The following CCT6B variants were observed in gnomAD, a reference collection of about 807,000 sequenced individuals.
CCT6B encodes chaperonin containing TCP1 subunit 6B.
In CCT6B, 49 loss-of-function variants were observed where a neutral mutation model predicts 61.5. The ratio of observed to expected loss-of-function variants is 0.80; its 90% CI spans 0.63 to 1.01. The LOEUF is 1.01. Among genes scored for constraint, CCT6B ranks in the 50% least tolerant of loss-of-function variants. The pLI, the probability that CCT6B is intolerant of heterozygous loss-of-function variation, is 0.00. For synonymous variants in CCT6B, 228 were observed against 214.5 expected, an observed-to-expected ratio of 1.06 and a Z score of -0.55; for missense variants, 666 against 634.7, an observed-to-expected ratio of 1.05 and a Z score of -0.53.
At chr17:34,959,793 T>G in intron 1 of CCT6B, 143 bp from the exon 2 acceptor site, 1 of 593,838 alleles carries the variant, frequency 1.7e-6, no homozygotes. Flanking sequence ...TACCACCATT[T>G]GCAGCTCACA....
chr17:34,960,053 T>C (rs1027186288), intron 1 of CCT6B, among the ~76,000 whole-genome samples: 1 of 152,226 alleles, frequency 6.6e-6, no homozygotes, highest in African/African-American at 2.4e-5. Flanking sequence ...CTATCAATTC[T>C]ACTACCTAAA....
Position 34,939,166 on chromosome 17 carries a change from C to T in CCT6B, c.1213+17G>A, listed in dbSNP as rs751464022. 2 of 1,608,962 alleles carry T rather than the reference C, an allele frequency of 1.2e-6. No homozygotes were observed. The highest frequency in any genetic ancestry group is 3.3e-5 in the Admixed American group (2 of 59,922). The stretch of plus-strand genomic sequence containing the variant: ...ACATATACATGAGGTTCATATCAAT[C>T]ACAAGAAAGAGCTTACCATCTTCAA... On this transcript the variant is annotated intron_variant, in intron 10 of 13. Transcript: ENST00000314144.
intron 8 of CCT6B, among the ~76,000 whole-genome samples, chr17:34,940,057 A>T (rs561091803): frequency 6.6e-6 from 1 of 152,298 alleles, no homozygotes; most frequent in African/African-American, 2.4e-5. Flanking sequence ...AAAGATTTTT[A>T]AAAAGAACAA....
At chr17:34,931,794 G>A (rs1460176536) in intron 11 of CCT6B, among the ~76,000 whole-genome samples, 2 of 152,170 alleles carry the variant, frequency 1.3e-5, no homozygotes, top group Non-Finnish European at 2.9e-5. Context: ...CATCTTTGAA[G>A]TAGTTTTACT....
intron 10 of CCT6B, among the ~76,000 whole-genome samples, chr17:34,934,254 A>C (rs1265274872): frequency 6.6e-6 from 1 of 152,224 alleles, no homozygotes; most frequent in African/African-American, 2.4e-5. Flanking sequence ...GAAATGAGAA[A>C]ATTTATATCA....
chr17:34,957,014 G>T lies in CCT6B; in HGVS notation c.336+1546C>A, dbSNP rs1354931704. ...TCTAAAGACAGGGTCTCACTATGTT[G>T]CCCAGGCTGGTCTCAAATTCCTGGG... is the stretch of plus-strand genomic sequence containing the variant. On this transcript the variant is annotated intron_variant, in intron 3 of 13. Transcript: ENST00000314144. 3.3e-5 allele frequency among the ~76,000 whole-genome samples: 5 copies of T among 151,802 alleles called. No individual in the cohort carries two copies. The East Asian group carries it at 5.8e-4, about 18-fold the overall frequency.
At chr17:34,952,139 G>A (rs2090299096) in intron 4 of CCT6B, 86 bp from the exon 5 acceptor site, 3 of 776,520 alleles carry the variant, frequency 3.9e-6, no homozygotes, top group Non-Finnish European at 6.3e-6. Flanking sequence ...CCAGACTAAG[G>A]AGATAAAAGC....
chr17:34,937,715 T>A (rs896407149), intron 10 of CCT6B, among the ~76,000 whole-genome samples: 2 of 152,090 alleles, frequency 1.3e-5, no homozygotes, highest in Non-Finnish European at 1.5e-5. Context: ...AAATTAGACT[T>A]CATCAAAATT....
chr17:34,945,905 G>T (rs2090218396), intron 5 of CCT6B, among the ~76,000 whole-genome samples: 1 of 152,172 alleles, frequency 6.6e-6, no homozygotes, highest in South Asian at 2.1e-4. Context: ...GGATCAGTAG[G>T]TTCTTTTATC....
At chr17:34,933,218 GT>G (rs1443942766) in intron 10 of CCT6B, among the ~76,000 whole-genome samples, 1 of 152,120 alleles carries the variant, frequency 6.6e-6, no homozygotes, top group Non-Finnish European at 1.5e-5. Context: ...TGAAGTATTT[GT>G]TTTTTGTACT....
Position 34,959,650 on chromosome 17 carries a change from C to G in CCT6B, c.138G>C (p.Met46Ile). Residue 46 changes from methionine to isoleucine, a missense_variant and splice_region_variant, in exon 2 of 14, where the codon ATG becomes ATC. Met to Ile is a conservative substitution (Grantham distance 10, BLOSUM62 1). Transcript: ENST00000314144. ...TNLGPKGTMKMLVSGAGDIKL... is the reference protein window; with the variant it reads ...TNLGPKGTMKILVSGAGDIKL... ...TGATGTCACCTGCACCAGAAACAAGCCTGTTCAGAGAAGAATGATATTAAC... is the reference window on the plus strand; with the variant it reads ...TGATGTCACCTGCACCAGAAACAAGGCTGTTCAGAGAAGAATGATATTAAC... 1 of 1,605,934 alleles carries G rather than the reference C, an allele frequency of 6.2e-7. No individual in the cohort carries two copies. The highest frequency in any genetic ancestry group is 8.5e-7 in the Non-Finnish European group (1 of 1,172,682).
chr17:34,930,087 C>A (rs778496503), intron 12 of CCT6B, among the ~76,000 whole-genome samples: 1 of 152,126 alleles, frequency 6.6e-6, no homozygotes, highest in South Asian at 2.1e-4. Flanking sequence ...GCCTGGCCAA[C>A]ATGGTGAAAC....
chr17:34,942,895 C>T lies in CCT6B; in HGVS notation c.626G>A (p.Gly209Glu). 1 of 1,587,282 alleles carries T rather than the reference C, an allele frequency of 6.3e-7. No individual in the cohort carries two copies. Among genetic ancestry groups the T allele is most frequent in the Non-Finnish European group, 8.6e-7 (1 of 1,159,950 alleles). The change falls in exon 6 of 14, where the codon GGA becomes GAA. Residue 209 changes from glycine to glutamate, a missense_variant. Coordinates refer to ENST00000314144, the MANE Select transcript of CCT6B (RefSeq NM_006584.4). ...KLGTDTKLIQ[G>E]LVLDHGARHP... is the part of the protein sequence containing the mutation. ...ACGGGCACCATGATCCAAAACTAAT[C>T]CTTGGATCAACCTATTAAAAATATT...
chr17:34,928,172 T>C (rs1230983172), intron 13 of CCT6B, 55 bp from the exon 14 acceptor site: 2 of 1,162,840 alleles, frequency 1.7e-6, no homozygotes, highest in Non-Finnish European at 1.3e-6. Flanking sequence ...CTTAGCTTTT[T>C]TCCCCAGCAA....
chr17:34,935,041 G>T (rs1449260423), intron 10 of CCT6B, among the ~76,000 whole-genome samples: 1 of 152,174 alleles, frequency 6.6e-6, no homozygotes, highest in Non-Finnish European at 1.5e-5. Flanking sequence ...ATAAAATGTG[G>T]TATATACATA....
At position 34,951,930 on chromosome 17, in the gene CCT6B, T is replaced by G. The variant is rs1287829510; in HGVS notation, c.614+20A>C. 1 of 1,260,260 alleles carries G rather than the reference T, an allele frequency of 7.9e-7. No individual in the cohort carries two copies. 78.1% of individuals were successfully genotyped at this position (1,260,260 alleles called of 1,614,324 possible). ...AAAAAATTCTAGAACCCATATGTTG[T>G]CAAAGCTTATGTAATTTACTTTGTA... On this transcript the variant is annotated intron_variant, in intron 5 of 13. Transcript: ENST00000314144.
intron 12 of CCT6B, among the ~76,000 whole-genome samples, chr17:34,929,844 C>T (rs1275458089): frequency 6.6e-6 from 1 of 152,076 alleles, no homozygotes; most frequent in African/African-American, 2.4e-5. Context: ...CCAACCCAGA[C>T]CTCTTCCTTG....
At chr17:34,945,959 A>G (rs1020059414) in intron 5 of CCT6B, among the ~76,000 whole-genome samples, 37 of 152,230 alleles carry the variant, frequency 2.4e-4, no homozygotes, top group African/African-American at 8.4e-4. Context: ...CTTCGGTTTC[A>G]ATGTCTTCAC....
rs539443379 is a variant in CCT6B at position 34,942,288 on chromosome 17, G to A, written c.885+196C>T. Among the ~76,000 whole-genome samples, 46 of 152,000 alleles carry A rather than the reference G, an allele frequency of 3.0e-4. No individual in the cohort carries two copies. The South Asian group carries it at 9.1e-3, about 30-fold the overall frequency. ...TTTGACTTGTACTAAGGTGCCAGCA[G>A]TTTTACAGATTGCTTTTGCAGCATC... On this transcript the variant is annotated intron_variant, in intron 7 of 13. Coordinates refer to ENST00000314144, the MANE Select transcript of CCT6B (RefSeq NM_006584.4).
Sources: allele counts gnomAD v4.1 joint callset (sites outside exome capture counted in the v4.1 genomes callset), GRCh38; gene constraint gnomAD v4.1.1; transcripts MANE v1.5; gene names NCBI Gene and HGNC (gene_info 2026-07-23, HGNC 2026-07-21).